SHANK1: variants seen among roughly 807,000 people sequenced by gnomAD.
SHANK1 encodes SH3 and multiple ankyrin repeat domains protein 1.
A neutral mutation model predicts 165.6 loss-of-function variants in SHANK1; 35 were observed. That is an observed-to-expected ratio of 0.21 (90% CI 0.16 to 0.28). SHANK1 has a LOEUF of 0.28. Among genes scored for constraint, SHANK1 ranks in the 10% least tolerant of loss-of-function variants. SHANK1 has a pLI of 1.00. For synonymous variants in SHANK1, 1,428 were observed against 1,384.8 expected (o/e 1.03, Z -0.69); for missense variants, 2,681 against 3,036.4 (o/e 0.88, Z 2.75).
At position 50,686,302 on chromosome 19, in the gene SHANK1, T is replaced by C. The variant is rs759629859; in HGVS notation, c.2512A>G (p.Ser838Gly). Residue 838 changes from serine to glycine, a missense_variant, in exon 21 of 24, where the codon AGC (serine) becomes GGC (glycine). Around this residue, in one of 10 missense-constraint regions of SHANK1, gnomAD observed 206 missense variants for 216.0 expected, o/e 0.95. Transcript: ENST00000293441. This position sits in a 1 kb window ranked among gnomAD's most constrained non-coding sequence, Gnocchi z 5.7. ...AAQQTISASE[S>G]PGPGGLASLG... ...GACGCGAGGCCACCGGGACCAGGGC[T>C]TTCGCTTGCACTGATGGTCTGTTGA... 1.2e-6 allele frequency: 2 copies of C among 1,607,516 alleles called. No individual in the cohort carries two copies. Among genetic ancestry groups the C allele is most frequent in the African/African-American group, 1.3e-5 (1 of 74,636 alleles).
chr19:50,680,462 A>G lies in SHANK1; in HGVS notation c.2577+5775T>C, dbSNP rs531153956. Among the ~76,000 whole-genome samples the G allele has an allele frequency of 2.0e-5, 3 of 152,214 alleles. No homozygotes were observed. The South Asian group carries it at 6.2e-4, about 32-fold the overall frequency. On this transcript the variant is annotated intron_variant, in intron 21 of 23. Coordinates refer to ENST00000293441, the MANE Select transcript of SHANK1 (RefSeq NM_016148.5). ...GCGGGTGACAAAGACAGTACCAGAG[A>G]AAGCCAAAGCCATACCGAGGGGCGG...
intron 18 of SHANK1, 67 bp from the exon 19 acceptor site, chr19:50,687,729 C>T: frequency 7.2e-7 from 1 of 1,381,442 alleles, no homozygotes; most frequent in Non-Finnish European, 9.7e-7. Context: ...TCTACCACCA[C>T]AGGGCTCCCA....
chr19:50,709,341 G>C (rs866086334), intron 8 of SHANK1, among the ~76,000 whole-genome samples: 17 of 152,104 alleles, frequency 1.1e-4, no homozygotes, highest in Middle Eastern at 6.8e-3. Flanking sequence ...CGGGATTTCA[G>C]CGTGTTAGCC....
At chr19:50,681,280 A>G (rs567443074) in intron 21 of SHANK1, among the ~76,000 whole-genome samples, 1 of 152,246 alleles carries the variant, frequency 6.6e-6, no homozygotes, top group South Asian at 2.1e-4. Context: ...GGACCTGGAG[A>G]AGGCCCAGGG....
intron 1 of SHANK1, among the ~76,000 whole-genome samples, 186 bp downstream of exon 1, chr19:50,719,220 C>T (rs964164431): frequency 2.0e-5 from 3 of 151,722 alleles, no homozygotes; most frequent in African/African-American, 7.3e-5. Flanking sequence ...GACGGGGCAC[C>T]GGGGACCCGG....
intron 8 of SHANK1, among the ~76,000 whole-genome samples, chr19:50,707,462 C>A (rs2088953677): frequency 6.6e-6 from 1 of 152,204 alleles, no homozygotes; most frequent in African/African-American, 2.4e-5. Flanking sequence ...TTTGTATGGG[C>A]CTATGTTACA....
At position 50,697,898 on chromosome 19, in the gene SHANK1, C is replaced by A; in HGVS notation, c.1806G>T (p.Trp602Cys). The change falls in exon 13 of 24, where the codon TGG becomes TGT. Residue 602 changes from tryptophan to cysteine, a missense_variant. By Grantham distance (215) the Trp-to-Cys change is radical. Coordinates refer to ENST00000293441, the MANE Select transcript of SHANK1 (RefSeq NM_016148.5). This position sits in a 1 kb window ranked among gnomAD's most constrained non-coding sequence, Gnocchi z 4.7. ...CTTCTTCCAGGCAGTCAGAGGGGAA[C>A]CAGCCAACACGACCTTTGACCTGGC... ...WEGQVKGRVGWFPSDCLEEVA... is the reference protein window; with the variant it reads ...WEGQVKGRVGCFPSDCLEEVA... 1 of 1,614,134 alleles carries A rather than the reference C, an allele frequency of 6.2e-7. No homozygotes were observed.
rs1340360617 is a variant in SHANK1, at chr19:50,668,354, C to G, written c.3606G>C (p.Pro1202=). Residue 1202 remains proline, a synonymous_variant, in exon 23 of 24, where the codon CCG becomes CCC. Transcript: ENST00000293441. ...GGGACGGGGGCACGGGTGACATGGC[C>G]GGGGCGGGGCTGGGCGAGGAGCCGC... ...GGGGSSPSPA[P]AMSPVPPSPS... The G allele has an allele frequency of 3.2e-6, 4 of 1,237,932 alleles. No individual in the cohort carries two copies. Among genetic ancestry groups the G allele is most frequent in the Non-Finnish European group, 4.0e-6 (4 of 988,040 alleles). 76.7% of individuals were successfully genotyped at this position (1,237,932 alleles called of 1,614,324 possible). A position where few individuals can be genotyped will look rare whatever the true frequency, so the allele number is the denominator to read the frequency against.
Position 50,662,041 on chromosome 19 carries a change from T to C in SHANK1, c.6410A>G (p.Tyr2137Cys). Residue 2137 changes from tyrosine to cysteine, a missense_variant, in exon 24 of 24, where the codon TAC becomes TGC. Physicochemically the swap from Tyr to Cys is radical, Grantham distance 194. Around this residue, in one of 10 missense-constraint regions of SHANK1, gnomAD observed 49 missense variants for 94.2 expected, o/e 0.52. Coordinates refer to ENST00000293441, the MANE Select transcript of SHANK1 (RefSeq NM_016148.5). The surrounding 1 kb of genome is among the most constrained non-coding windows in gnomAD (Gnocchi z 7.7). ...CACCCTGGTCACACCTAGATCGACG[T>C]AGTCCTCCTTGGTCAAGGCGGGCAG... ...SHLPALTKED[Y>C]VDLGVTRVGH... 2.5e-6 allele frequency: 4 copies of C among 1,614,126 alleles called. No individual in the cohort carries two copies. Among genetic ancestry groups the C allele is most frequent in the Non-Finnish European group, 3.4e-6 (4 of 1,180,018 alleles).
In SHANK1 at chr19:50,668,058, A is replaced by G. The variant is rs1469029904; in HGVS notation, c.3902T>C (p.Leu1301Pro). Residue 1301 changes from leucine to proline, a missense_variant, in exon 23 of 24, where the codon CTG becomes CCG. Transcript: ENST00000293441. ...GMFSAEPYLRLESAGSGAGYG... is the reference protein window; with the variant it reads ...GMFSAEPYLRPESAGSGAGYG... ...GCCCGCGCCGCTGCCCGCAGACTCC[A>G]GTCGGAGGTAGGGCTCGGCGGAGAA... is the stretch of plus-strand genomic sequence containing the variant. 18 of 1,479,846 alleles carry G rather than the reference A, an allele frequency of 1.2e-5. No individual in the cohort carries two copies. The highest frequency in any genetic ancestry group is 1.6e-5 in the Non-Finnish European group (18 of 1,120,586). 91.7% of individuals were successfully genotyped at this position (1,479,846 alleles called of 1,614,324 possible).
Position 50,674,584 on chromosome 19 carries a change from C to T in SHANK1, c.2578-2470G>A, listed in dbSNP as rs117071471. Among the ~76,000 whole-genome samples, 524 of 152,176 alleles carry T rather than the reference C, an allele frequency of 3.4e-3. 5 individuals are homozygous for T. The highest frequency in any genetic ancestry group is 5.3e-3 in the Non-Finnish European group (358 of 68,010). Reference sequence around the variant, plus strand: ...GTTATCTTAGCCCTCCACCCTGGCCCGGCTACCCGCTTCCTTTAGGCCTGC... The same window carrying T: ...GTTATCTTAGCCCTCCACCCTGGCCTGGCTACCCGCTTCCTTTAGGCCTGC... On this transcript the variant is annotated intron_variant, in intron 21 of 23. Transcript: ENST00000293441.
Position 50,667,122 on chromosome 19 carries a change from G to A in SHANK1, c.4838C>T (p.Ala1613Val). 2 of 1,556,396 alleles carry A rather than the reference G, an allele frequency of 1.3e-6. No homozygotes were observed. Among genetic ancestry groups the A allele is most frequent in the Non-Finnish European group, 1.7e-6 (2 of 1,157,674 alleles). The stretch of plus-strand genomic sequence containing the variant: ...TGCGGTGGAGTCCAGGGTGGGAGGG[G>A]CTGCGGCCACAGCCGGGGGTGGCAC... ...PPVPPPAVAA[A>V]PPTLDSTASS... The change falls in exon 23 of 24, where the codon GCC (alanine) becomes GTC (valine). Residue 1613 changes from alanine (A) to valine (V), a missense_variant. Coordinates refer to ENST00000293441, the MANE Select transcript of SHANK1 (RefSeq NM_016148.5). The surrounding 1 kb of genome is among the most constrained non-coding windows in gnomAD (Gnocchi z 5.7).
Position 50,674,517 on chromosome 19 carries a change from G to A in SHANK1, c.2578-2403C>T, listed in dbSNP as rs150199597. On this transcript the variant is annotated intron_variant, in intron 21 of 23. Transcript: ENST00000293441. Reference sequence around the variant, plus strand: ...TCTCACTTCCGAGACTCTGCATGGAGCATCCTTTCCCTGGGCTCTGGGCTC... The same window carrying A: ...TCTCACTTCCGAGACTCTGCATGGAACATCCTTTCCCTGGGCTCTGGGCTC... Among the ~76,000 whole-genome samples the A allele has an allele frequency of 1.0e-3, 159 of 152,232 alleles. 2 individuals are homozygous for A. In the Middle Eastern group the frequency reaches 0.024, roughly 23 times the overall value.
rs1170332655 is a variant in SHANK1, at chr19:50,704,191, AG to A, written c.1156-6del. On this transcript the variant is annotated splice_polypyrimidine_tract_variant and splice_region_variant and intron_variant, in intron 9 of 23. Coordinates refer to ENST00000293441, the MANE Select transcript of SHANK1 (RefSeq NM_016148.5). ...ATTCCCAGCAATCACTGCCACCTGG[AG>A]GGAGGGGGTAGAGGCAGGTCGGCCA... 1 of 1,613,536 alleles carries A rather than the reference AG, an allele frequency of 6.2e-7. No individual in the cohort carries two copies. The highest frequency in any genetic ancestry group is 8.5e-7 in the Non-Finnish European group (1 of 1,179,856).
chr19:50,703,326 G>A (rs2088892739), intron 11 of SHANK1, among the ~76,000 whole-genome samples, 174 bp downstream of exon 11: 1 of 152,142 alleles, frequency 6.6e-6, no homozygotes, highest in African/African-American at 2.4e-5. Flanking sequence ...TGGTGCACCG[G>A]GGGTGGAGTC....
chr19:50,694,665 G>C (rs951869617), intron 15 of SHANK1, among the ~76,000 whole-genome samples: 5 of 148,626 alleles, frequency 3.4e-5, no homozygotes, highest in South Asian at 2.2e-4. Flanking sequence ...TGCGTATTAG[G>C]GGGGAGGGTC....
Position 50,702,719 on chromosome 19 carries a change from G to A in SHANK1, c.1554-59C>T, listed in dbSNP as rs1003622014. ...GTGGAGGGAGGGGACACCTCTGGGA[G>A]GACAGGGGTCCTTGGGTGGGGGAAG... is the stretch of plus-strand genomic sequence containing the variant. On this transcript the variant is annotated intron_variant, in intron 11 of 23. Transcript: ENST00000293441. The surrounding 1 kb of genome is among the most constrained non-coding windows in gnomAD (Gnocchi z 5.3). The A allele has an allele frequency of 4.1e-5, 47 of 1,153,808 alleles. No homozygotes were observed. The Admixed American group carries it at 1.1e-3, about 28-fold the overall frequency. The allele number at this position is 1,153,808 out of a possible 1,614,324, so 71.5% of individuals were successfully genotyped here.
chr19:50,662,764 A>C lies in SHANK1; in HGVS notation c.5769-82T>G. Reference sequence around the variant, plus strand: ...GGGTGAGAAAGAGGCAGAGGTCAAGATATAGGGAGAGAGGAGGAGAGACAT... The same window carrying C: ...GGGTGAGAAAGAGGCAGAGGTCAAGCTATAGGGAGAGAGGAGGAGAGACAT... On this transcript the variant is annotated intron_variant, in intron 23 of 23. Coordinates refer to ENST00000293441, the MANE Select transcript of SHANK1 (RefSeq NM_016148.5). This position sits in a 1 kb window ranked among gnomAD's most constrained non-coding sequence, Gnocchi z 7.7. The C allele has an allele frequency of 1.4e-6, 2 of 1,476,088 alleles. No individual in the cohort carries two copies. Among genetic ancestry groups the C allele is most frequent in the Non-Finnish European group, 1.8e-6 (2 of 1,084,742 alleles). 91.4% of individuals were successfully genotyped at this position (1,476,088 alleles called of 1,614,324 possible).
At chr19:50,675,307 C>T (rs903496903) in intron 21 of SHANK1, among the ~76,000 whole-genome samples, 1 of 152,214 alleles carries the variant, frequency 6.6e-6, no homozygotes, top group Non-Finnish European at 1.5e-5. Flanking sequence ...AATTCAATTT[C>T]TCTGTTGCAC....
Sources: allele counts gnomAD v4.1 joint callset (sites outside exome capture counted in the v4.1 genomes callset), GRCh38; gene constraint gnomAD v4.1.1; regional missense constraint gnomAD v4.1.1; non-coding constraint Gnocchi (gnomAD v3.1); transcripts MANE v1.5; gene names NCBI Gene and HGNC (gene_info 2026-07-23, HGNC 2026-07-21).